The following STARD13 variants were observed in gnomAD, a reference collection of about 807,000 sequenced individuals.
STARD13 encodes the protein stAR-related lipid transfer protein 13.
A neutral mutation model predicts 106.4 loss-of-function variants in STARD13; 62 were observed. The ratio of observed to expected loss-of-function variants is 0.58; its 90% CI spans 0.48 to 0.72. The LOEUF (loss-of-function observed/expected upper bound fraction) is 0.72. Ranked by LOEUF, STARD13 falls within the 30% of genes least tolerant of loss-of-function variation. The pLI is 0.00. For synonymous variants in STARD13, 565 were observed against 553.0 expected, an observed-to-expected ratio of 1.02 and a Z score of -0.31; for missense variants, 1,387 against 1,424.0, an observed-to-expected ratio of 0.97 and a Z score of 0.42.
In STARD13 at chr13:33,104,123, A is replaced by C. The variant is rs966494788; in HGVS notation, c.*1470T>G. The C allele has an allele frequency of 5.3e-5, 8 of 152,242 alleles. No individual in the cohort carries two copies. Among genetic ancestry groups the C allele is most frequent in the African/African-American group, 1.9e-4 (8 of 41,476 alleles). 9.4% of individuals were successfully genotyped at this position (152,242 alleles called of 1,614,324 possible). A position where few individuals can be genotyped will look rare whatever the true frequency, so the allele number is the denominator to read the frequency against. On this transcript the variant is annotated 3_prime_UTR_variant, in exon 14 of 14. Coordinates refer to ENST00000336934, the MANE Select transcript of STARD13 (RefSeq NM_178006.4). ...TGCTTTTCTTTTTTTCTCCAACACC[A>C]GTTGCTAAATCTTATCAATCTCTAT... is the stretch of plus-strand genomic sequence containing the variant.
chr13:33,633,324 T>C, the STARD13 span, among the ~76,000 whole-genome samples: 2 of 152,228 alleles, frequency 1.3e-5, no homozygotes, highest in Admixed American at 1.3e-4. Flanking sequence ...TCATATTAGA[T>C]TCTTGTAAAT....
At chr13:33,312,414 C>T (rs1893172504) in intron 1 of STARD13, among the ~76,000 whole-genome samples, 1 of 152,164 alleles carries the variant, frequency 6.6e-6, no homozygotes, top group African/African-American at 2.4e-5. Context: ...TCTAGAGAAA[C>T]TAACCCATGC....
chr13:33,474,645 GA>G, the STARD13 span, among the ~76,000 whole-genome samples: 3 of 152,138 alleles, frequency 2.0e-5, no homozygotes, highest in African/African-American at 4.8e-5. Flanking sequence ...AAAATGCTTT[GA>G]AATTGGCAGC....
At chr13:33,465,251 C>T in the STARD13 span, among the ~76,000 whole-genome samples, 29 of 146,006 alleles carry the variant, frequency 2.0e-4, no homozygotes, top group African/African-American at 6.9e-4. Context: ...TGTCACCCAG[C>T]CTGGAGTGCA....
intron 1 of STARD13, among the ~76,000 whole-genome samples, chr13:33,224,119 G>T (rs1366013419): frequency 6.6e-6 from 1 of 152,192 alleles, no homozygotes; most frequent in East Asian, 1.9e-4. Flanking sequence ...AGGGAGAAAA[G>T]AGAGCAGTTA....
chr13:33,112,622 C>T lies in STARD13; in HGVS notation c.2492+99G>A, dbSNP rs1022451500. The T allele has an allele frequency of 1.6e-5, 15 of 950,280 alleles. No individual in the cohort carries two copies. In the African/African-American group the frequency reaches 2.5e-4, roughly 16 times the overall value. 58.9% of individuals were successfully genotyped at this position (950,280 alleles called of 1,614,324 possible). On this transcript the variant is annotated intron_variant, in intron 9 of 13. Transcript: ENST00000336934. ...TCTATAATCTGTCTACCAATATATC[C>T]ATTCGTATCTATCTATCCATCCATC... is the stretch of plus-strand genomic sequence containing the variant.
At chr13:33,578,903 C>T in the STARD13 span, among the ~76,000 whole-genome samples, 1 of 152,066 alleles carries the variant, frequency 6.6e-6, no homozygotes, top group Non-Finnish European at 1.5e-5. Context: ...AAAAAATGCT[C>T]AGCGTCACTA....
At chr13:33,353,062 C>G (rs1323184267), upstream of STARD13, among the ~76,000 whole-genome samples, 1 of 152,204 alleles carries the variant, frequency 6.6e-6, no homozygotes, top group Non-Finnish European at 1.5e-5. Context: ...GGCTTTCTTT[C>G]CCTTCTTGTC....
In STARD13 at chr13:33,106,821, T is replaced by A; in HGVS notation, c.3161A>T (p.Tyr1054Phe). 1 of 1,614,190 alleles carries A rather than the reference T, an allele frequency of 6.2e-7. No homozygotes were observed. Residue 1054 changes from tyrosine to phenylalanine, a missense_variant, in exon 13 of 14, where the codon TAC becomes TTC. By Grantham distance (22) the Tyr-to-Phe change is conservative. Coordinates refer to ENST00000336934, the MANE Select transcript of STARD13 (RefSeq NM_178006.4). ...GCCAGAGCCACACGGTTCTATCAAG[T>A]ACTGCGAGTCCATCACCACTGCTCG... ...GVRAVVMDSQ[Y>F]LIEPCGSGKS...
chr13:33,434,134 C>G, the STARD13 span, among the ~76,000 whole-genome samples: 3 of 152,122 alleles, frequency 2.0e-5, no homozygotes, highest in Admixed American at 6.5e-5. Context: ...AGGTGGATCA[C>G]TTGAGGTCAG....
At chr13:33,146,627 A>G (rs1880579412) in intron 3 of STARD13, among the ~76,000 whole-genome samples, 1 of 152,262 alleles carries the variant, frequency 6.6e-6, no homozygotes, top group South Asian at 2.1e-4. Context: ...AATGCAAGTG[A>G]GTGACATCAG....
chr13:33,432,245 T>C, the STARD13 span, among the ~76,000 whole-genome samples: 12 of 152,338 alleles, frequency 7.9e-5, no homozygotes, highest in South Asian at 1.7e-3. Flanking sequence ...TATATTCTAA[T>C]ATAATTTTGG....
the STARD13 span, among the ~76,000 whole-genome samples, chr13:33,522,761 T>G: frequency 6.6e-6 from 1 of 152,180 alleles, no homozygotes; most frequent in South Asian, 2.1e-4. Context: ...TGAGTACTGG[T>G]TTTGCCCCCT....
At chr13:33,307,335 TTC>T (rs1892948768) in intron 1 of STARD13, among the ~76,000 whole-genome samples, 2 of 152,166 alleles carry the variant, frequency 1.3e-5, no homozygotes, top group African/African-American at 4.8e-5. Context: ...ATACGAATCA[TTC>T]TGTTATAAAG....
the STARD13 span, among the ~76,000 whole-genome samples, chr13:33,579,560 A>G: frequency 6.6e-6 from 1 of 151,790 alleles, no homozygotes; most frequent in Non-Finnish European, 1.5e-5. Flanking sequence ...GGTGCACTAA[A>G]ATCTCAGATT....
chr13:33,165,561 C>T lies in STARD13; in HGVS notation c.242-143G>A, dbSNP rs1056948388. On this transcript the variant is annotated intron_variant, in intron 2 of 13. Transcript: ENST00000336934. Reference sequence around the variant, plus strand: ...TCATTGTTGGGAATGTTTAAGAGAGCAAAAAATTGCTATCACTGTAAATGC... The same window carrying T: ...TCATTGTTGGGAATGTTTAAGAGAGTAAAAAATTGCTATCACTGTAAATGC... 26 of 649,216 alleles carry T rather than the reference C, an allele frequency of 4.0e-5. 1 individual carries two copies. The highest frequency in any genetic ancestry group is 3.5e-4 in the South Asian group (19 of 53,614). 40.2% of individuals were successfully genotyped at this position (649,216 alleles called of 1,614,324 possible). A position where few individuals can be genotyped will look rare whatever the true frequency, so the allele number is the denominator to read the frequency against.
chr13:33,349,582 C>T (rs371868159), intron 1 of STARD13, among the ~76,000 whole-genome samples: 29 of 152,320 alleles, frequency 1.9e-4, no homozygotes, highest in African/African-American at 7.0e-4. Flanking sequence ...TTCTGATCCA[C>T]GCAAGGATTC....
At chr13:33,319,867 G>C (rs1466988857) in intron 1 of STARD13, among the ~76,000 whole-genome samples, 1 of 152,200 alleles carries the variant, frequency 6.6e-6, no homozygotes, top group African/African-American at 2.4e-5. Flanking sequence ...ACTCCTTGCT[G>C]TATTTTGGAT....
intron 1 of STARD13, among the ~76,000 whole-genome samples, chr13:33,236,504 T>C (rs961930809): frequency 6.6e-6 from 1 of 152,246 alleles, no homozygotes; most frequent in Non-Finnish European, 1.5e-5. Context: ...TTTGTACATA[T>C]GCAAAGATTT....
Sources: allele counts gnomAD v4.1 joint callset (sites outside exome capture counted in the v4.1 genomes callset), GRCh38; gene constraint gnomAD v4.1.1; transcripts MANE v1.5; gene names NCBI Gene and HGNC (gene_info 2026-07-23, HGNC 2026-07-21).